The following CORIN variants were observed in gnomAD, a reference collection of about 807,000 sequenced individuals.
The protein encoded by CORIN is corin, serine peptidase, also known as atrial natriuretic peptide-converting enzyme.
A neutral mutation model predicts 125.3 loss-of-function variants in CORIN; 117 were observed. That is an observed-to-expected ratio of 0.93 (90% CI 0.80 to 1.09). CORIN has a LOEUF of 1.09. Among genes scored for constraint, CORIN ranks in the 50% least tolerant of loss-of-function variants. The pLI is 0.00. For missense variants in CORIN, 1,253 were observed against 1,306.7 expected, an observed-to-expected ratio of 0.96 and a Z score of 0.63; for synonymous variants, 450 against 466.4, an observed-to-expected ratio of 0.96 and a Z score of 0.45.
chr4:47,639,362 G>T (rs6845515), intron 16 of CORIN, among the ~76,000 whole-genome samples: 1,836 of 152,102 alleles, frequency 0.012, 10 homozygotes, highest in Non-Finnish European at 0.018. Context: ...TGTGTTCTTG[G>T]CTGTTTACCT....
intron 20 of CORIN, among the ~76,000 whole-genome samples, chr4:47,600,825 G>A (rs771809123): frequency 6.6e-6 from 1 of 152,176 alleles, no homozygotes; most frequent in African/African-American, 2.4e-5. Context: ...GCCTCAATAT[G>A]TGCCCCAGCA....
chr4:47,663,914 C>T (rs1019725629), intron 11 of CORIN, among the ~76,000 whole-genome samples: 2 of 152,086 alleles, frequency 1.3e-5, no homozygotes, highest in African/African-American at 2.4e-5. Context: ...TTGTTCAGTT[C>T]CCCAAGTCAT....
At chr4:47,695,110 G>A (rs1725930065) in intron 5 of CORIN, among the ~76,000 whole-genome samples, 1 of 152,088 alleles carries the variant, frequency 6.6e-6, no homozygotes, top group Non-Finnish European at 1.5e-5. Context: ...TTCCGCACAG[G>A]AGTGCACTCC....
At chr4:47,640,278 G>A (rs1311826127) in intron 16 of CORIN, among the ~76,000 whole-genome samples, 1 of 152,134 alleles carries the variant, frequency 6.6e-6, no homozygotes, top group Non-Finnish European at 1.5e-5. Flanking sequence ...TAAACAAAAT[G>A]TATATCCATT....
chr4:47,703,662 G>A (rs931316435), intron 5 of CORIN, among the ~76,000 whole-genome samples: 2 of 152,174 alleles, frequency 1.3e-5, no homozygotes, highest in Non-Finnish European at 2.9e-5. Context: ...ATAAAGTGCC[G>A]AGCACCAAAT....
chr4:47,753,989 T>C (rs974386286), intron 4 of CORIN, among the ~76,000 whole-genome samples: 4 of 152,184 alleles, frequency 2.6e-5, no homozygotes, highest in Non-Finnish European at 5.9e-5. Context: ...CCATTCAGGG[T>C]CCCTCACTTT....
At chr4:47,669,015 A>C (rs542711771) in intron 10 of CORIN, among the ~76,000 whole-genome samples, 1 of 152,328 alleles carries the variant, frequency 6.6e-6, no homozygotes, top group African/African-American at 2.4e-5. Context: ...TCCTGATTTA[A>C]AAATCGCCAC....
chr4:47,629,427 T>C (rs1401694957), intron 16 of CORIN, among the ~76,000 whole-genome samples: 2 of 152,224 alleles, frequency 1.3e-5, no homozygotes, highest in African/African-American at 4.8e-5. Context: ...GTTCCTTATG[T>C]ATTTTGGATA....
chr4:47,730,284 C>A (rs975325436), intron 5 of CORIN, among the ~76,000 whole-genome samples: 3 of 151,896 alleles, frequency 2.0e-5, no homozygotes, highest in Non-Finnish European at 4.4e-5. Context: ...ACCAGCCTGG[C>A]CAATATGGTG....
chr4:47,806,981 G>A lies in CORIN; in HGVS notation c.130C>T (p.Leu44Phe), dbSNP rs1328170567. ...ATCAGGACCAGCAATAGGAACCGGA[G>A]GAGGTTAGCAGTCGCCAGCTTCTGA... ...CSQKLATANL[L>F]RFLLLVLIPC... The change falls in exon 2 of 22, where the codon CTC becomes TTC. Residue 44 changes from leucine (L) to phenylalanine (F), a missense_variant. Leu to Phe is a conservative substitution (Grantham distance 22, BLOSUM62 0). Transcript: ENST00000273857. 3.1e-6 allele frequency: 5 copies of A among 1,613,872 alleles called. No individual in the cohort carries two copies. The highest frequency in any genetic ancestry group is 2.7e-5 in the African/African-American group (2 of 74,926).
At chr4:47,785,910 A>AAC in intron 3 of CORIN, among the ~76,000 whole-genome samples, 1 of 40,512 alleles carries the variant, frequency 2.5e-5, no homozygotes, top group Non-Finnish European at 8.5e-5. Context: ...ACTCCATCTC[A>AAC]AAAAAAAAAA....
chr4:47,603,462 G>A lies in CORIN; in HGVS notation c.2747C>T (p.Pro916Leu), dbSNP rs760929855. 40 of 1,614,040 alleles carry A rather than the reference G, an allele frequency of 2.5e-5. No individual in the cohort carries two copies. The highest frequency in any genetic ancestry group is 2.2e-4 in the South Asian group (20 of 91,090). Residue 916 changes from proline (P) to leucine (L), a missense_variant, in exon 20 of 22, where the codon CCG becomes CTG. Physicochemically the swap from Pro to Leu is moderately conservative, Grantham distance 98. Coordinates refer to ENST00000273857, the MANE Select transcript of CORIN (RefSeq NM_006587.4). ...GYVRPVCLPN[P>L]EQWLEPDTYC... ...CGTGTCAGGCTCTAGCCACTGCTCCGGGTTGGGCAAGCAGACAGGCCGGAC... is the reference window on the plus strand; with the variant it reads ...CGTGTCAGGCTCTAGCCACTGCTCCAGGTTGGGCAAGCAGACAGGCCGGAC...
chr4:47,723,066 C>T (rs1440876559), intron 5 of CORIN, among the ~76,000 whole-genome samples: 1 of 152,278 alleles, frequency 6.6e-6, no homozygotes, highest in Non-Finnish European at 1.5e-5. Flanking sequence ...AACCAAAGGA[C>T]GGGGAGTCCC....
intron 13 of CORIN, among the ~76,000 whole-genome samples, chr4:47,648,910 G>A (rs1170729803): frequency 1.3e-5 from 2 of 152,194 alleles, no homozygotes; most frequent in African/African-American, 2.4e-5. Flanking sequence ...CCTAACAGGT[G>A]TGAAGAGCCT....
At chr4:47,837,542 T>G (rs1359140672) in intron 1 of CORIN, 1 of 410,712 alleles carries the variant, frequency 2.4e-6, no homozygotes, top group Admixed American at 4.2e-5. Flanking sequence ...GAGGGCACCG[T>G]GCGGAGGAGG....
intron 14 of CORIN, 66 bp from the exon 15 acceptor site, chr4:47,643,322 G>T: frequency 7.1e-7 from 1 of 1,415,002 alleles, no homozygotes. Flanking sequence ...TCACTAACAT[G>T]CATATCTTCA....
rs150493343 is a variant in CORIN, at chr4:47,626,476, C to T, written c.2244G>A (p.Pro748=). Residue 748 remains proline (P), a synonymous_variant, in exon 17 of 22, where the codon CCG becomes CCA. Coordinates refer to ENST00000273857, the MANE Select transcript of CORIN (RefSeq NM_006587.4). ...AGTTGGAGTGTAATGTCAGCCACCG[C>T]GGCTCTTTCTCCTGTTCCTGTATCA... is the stretch of plus-strand genomic sequence containing the variant. The part of the protein sequence containing the change: ...TKLIQEQEKE[P]RWLTLHSNWE... The T allele has an allele frequency of 5.6e-5, 90 of 1,614,026 alleles. No homozygotes were observed. The highest frequency in any genetic ancestry group is 5.0e-4 in the Middle Eastern group (3 of 6,058).
intron 19 of CORIN, among the ~76,000 whole-genome samples, chr4:47,610,181 C>G (rs1483445226): frequency 6.6e-6 from 1 of 152,236 alleles, no homozygotes; most frequent in Non-Finnish European, 1.5e-5. Flanking sequence ...AATTGCCACA[C>G]TATCTTCCAC....
intron 5 of CORIN, among the ~76,000 whole-genome samples, chr4:47,700,506 C>A (rs1726235135): frequency 6.6e-6 from 1 of 152,182 alleles, no homozygotes; most frequent in Non-Finnish European, 1.5e-5. Context: ...GGGATCTCTC[C>A]CTCCTTAGGA....
Sources: gnomAD v4.1 joint callset for allele counts (sites outside exome capture counted in the v4.1 genomes callset) on GRCh38, gnomAD v4.1.1 for gene constraint, MANE v1.5 for transcripts, NCBI Gene and HGNC (gene_info 2026-07-23, HGNC 2026-07-21) for gene names.